The following SBNO2 variants were observed in gnomAD, a reference collection of about 807,000 sequenced individuals.
The protein encoded by SBNO2 is protein strawberry notch homolog 2.
SBNO2 carries 89 observed loss-of-function variants against 146.3 expected under a neutral mutation model. The observed-to-expected ratio is 0.61, with a 90% CI of 0.51 to 0.73. The LOEUF (loss-of-function observed/expected upper bound fraction) is 0.73. Ranked by LOEUF, SBNO2 falls within the 30% of genes least tolerant of loss-of-function variation. SBNO2 has a pLI of 0.00. For missense variants in SBNO2, 2,092 were observed against 2,003.7 expected (o/e 1.04, Z -0.84); for synonymous variants, 1,147 against 892.6 (o/e 1.29, Z -5.08).
At position 1,152,405 on chromosome 19, in the gene SBNO2, C is replaced by A. The variant is rs116000204; in HGVS notation, c.93+1779G>T. ...CTGGATTAGTCCCCAGGGTGTGTTT[C>A]CGAGATAGAATTCTTGGATCGGAAC... On this transcript the variant is annotated intron_variant, in intron 2 of 31. Transcript: ENST00000361757. 9.9e-3 allele frequency among the ~76,000 whole-genome samples: 1,511 copies of A among 152,272 alleles called. 27 individuals are homozygous for A. The highest frequency in any genetic ancestry group is 0.035 in the African/African-American group (1,454 of 41,544).
In SBNO2 at chr19:1,158,647, C is replaced by T. The variant is rs2080314819; in HGVS notation, c.-126-4245G>A. Among the ~76,000 whole-genome samples, 1 of 152,160 alleles carries T rather than the reference C, an allele frequency of 6.6e-6. No homozygotes were observed. The highest frequency in any genetic ancestry group is 1.5e-5 in the Non-Finnish European group (1 of 68,020). On this transcript the variant is annotated intron_variant, in intron 1 of 31. Transcript: ENST00000361757. The surrounding 1 kb of genome is among the most constrained non-coding windows in gnomAD (Gnocchi z 9.9). ...AGGCGGCGAGGCCCGGGCGAGCGGG[C>T]GCGACCGTGGTGATGGAGCCCGGCA...
rs111253047 is a variant in SBNO2, at chr19:1,135,442, C to G, written c.280-7677G>C. On this transcript the variant is annotated intron_variant, in intron 4 of 31. Transcript: ENST00000361757. Reference sequence around the variant, plus strand: ...CTGGAAAGCAACGAAACAGAAAGAACAAGCACAGACTCCGACTTGCTCCCC... The same window carrying G: ...CTGGAAAGCAACGAAACAGAAAGAAGAAGCACAGACTCCGACTTGCTCCCC... Among the ~76,000 whole-genome samples the G allele has an allele frequency of 6.0e-3, 916 of 152,356 alleles. 4 individuals carry two copies. Among genetic ancestry groups the G allele is most frequent in the Middle Eastern group, 0.014 (4 of 294 alleles).
chr19:1,113,613 C>A lies in SBNO2; in HGVS notation c.2169G>T (p.Arg723=). The A allele has an allele frequency of 6.3e-7, 1 of 1,597,892 alleles. No individual in the cohort carries two copies. Among genetic ancestry groups the A allele is most frequent in the Non-Finnish European group, 8.5e-7 (1 of 1,174,294 alleles). Residue 723 remains arginine (R), a synonymous_variant, in exon 19 of 32, where the codon CGG becomes CGT. Transcript: ENST00000361757. The part of the protein sequence containing the change: ...RLKQDLLDKV[R]RLGRELPVNT... ...TGACTGGCAGTTCCCGGCCCAGCCG[C>A]CGCACTTTGTCCAGCAGATCCTGCT...
chr19:1,111,051 TC>T lies in SBNO2; in HGVS notation c.2851del (p.Glu951SerfsTer19). On this transcript the variant is annotated frameshift_variant, in exon 25 of 32. Coordinates refer to ENST00000361757, the MANE Select transcript of SBNO2 (RefSeq NM_014963.3). LOFTEE classifies it high-confidence loss of function. ...CACGTCCAGGCAGCCATTCCGGGACTCCCGGCCACCAATGCCCACAGACAGC... is the reference window on the plus strand; with the variant it reads ...CACGTCCAGGCAGCCATTCCGGGACTCCGGCCACCAATGCCCACAGACAGC... ...GLLSVGIGGR[E>X]SRNGCLDVEK... 6.4e-7 allele frequency: 1 copy of T among 1,568,284 alleles called. No homozygotes were observed.
chr19:1,164,026 C>T (rs1276866149), intron 1 of SBNO2, among the ~76,000 whole-genome samples: 3 of 152,204 alleles, frequency 2.0e-5, no homozygotes, highest in Admixed American at 6.5e-5. Context: ...CCCCTCCCCC[C>T]GACCAAGGAC....
intron 5 of SBNO2, 58 bp downstream of exon 5, chr19:1,127,546 G>A (rs755151132): frequency 1.9e-5 from 30 of 1,550,822 alleles, no homozygotes; most frequent in Admixed American, 1.5e-4. Context: ...TGTGGGTCCC[G>A]GGCTGGGGAG....
chr19:1,112,329 G>C lies in SBNO2; in HGVS notation c.2516-28C>G, dbSNP rs770030626. On this transcript the variant is annotated intron_variant, in intron 21 of 31. Coordinates refer to ENST00000361757, the MANE Select transcript of SBNO2 (RefSeq NM_014963.3). This position sits in a 1 kb window ranked among gnomAD's most constrained non-coding sequence, Gnocchi z 5.9. The stretch of plus-strand genomic sequence containing the variant: ...GGGGGCAGAGCTGCTCTCAGGGCCC[G>C]GCCAGGCGGGGGCGGGGCCGAGACC... 3.8e-6 allele frequency: 6 copies of C among 1,569,778 alleles called. No individual in the cohort carries two copies. The Admixed American group carries it at 9.2e-5, about 24-fold the overall frequency.
At chr19:1,119,852 C>T in intron 12 of SBNO2, 54 bp downstream of exon 12, 3 of 1,373,746 alleles carry the variant, frequency 2.2e-6, no homozygotes, top group Non-Finnish European at 3.0e-6. Flanking sequence ...GCGGGGACAG[C>T]CAGGCAGAAA....
intron 1 of SBNO2, among the ~76,000 whole-genome samples, chr19:1,165,673 C>G (rs2080407823): frequency 7.4e-6 from 1 of 135,304 alleles, no homozygotes. Flanking sequence ...ACCCCAGACC[C>G]CAGTACCCAG....
In SBNO2 at chr19:1,119,082, C is replaced by A. The variant is rs770824881; in HGVS notation, c.1456G>T (p.Val486Phe). 6.2e-7 allele frequency: 1 copy of A among 1,605,686 alleles called. No individual in the cohort carries two copies. Among genetic ancestry groups the A allele is most frequent in the Non-Finnish European group, 8.5e-7 (1 of 1,177,196 alleles). The change falls in exon 14 of 32, where the codon GTC (valine) becomes TTC (phenylalanine). Residue 486 changes from valine to phenylalanine, a missense_variant. Transcript: ENST00000361757. ...YIARQLSFSG[V>F]TFRIEEIPLA... ...GGGATCTCCTCGATGCGGAAGGTGACGCCGGAGAAGCTGAGCTGGCGTGCG... is the reference window on the plus strand; with the variant it reads ...GGGATCTCCTCGATGCGGAAGGTGAAGCCGGAGAAGCTGAGCTGGCGTGCG...
intron 14 of SBNO2, 134 bp downstream of exon 14, chr19:1,118,877 C>G (rs1022872304): frequency 5.4e-6 from 5 of 925,158 alleles, no homozygotes; most frequent in African/African-American, 1.7e-5. Flanking sequence ...CTCAAAAAAA[C>G]AACAAAAAAA....
chr19:1,113,045 C>A lies in SBNO2; in HGVS notation c.2248-96G>T. 4 of 1,399,282 alleles carry A rather than the reference C, an allele frequency of 2.9e-6. No individual in the cohort carries two copies. In the South Asian group the frequency reaches 4.2e-5, roughly 15 times the overall value. The allele number at this position is 1,399,282 out of a possible 1,614,324, so 86.7% of individuals were successfully genotyped here. On this transcript the variant is annotated intron_variant, in intron 19 of 31. Transcript: ENST00000361757. ...CAGCTTCCCTATGTCCTACAGTGGT[C>A]ATGGGCTCCCAGCTGTGCACGGGAG...
Position 1,108,776 on chromosome 19 carries a change from C to T in SBNO2, c.3616+3G>A. The stretch of plus-strand genomic sequence containing the variant: ...CTTCCCGGGGCGCCCGCCGCCCACT[C>T]ACCCACTTGCTTCTTCCTGTCCTTG... On this transcript the variant is annotated splice_donor_region_variant and intron_variant, in intron 31 of 31. Transcript: ENST00000361757. 1.2e-6 allele frequency: 2 copies of T among 1,601,890 alleles called. No individual in the cohort carries two copies. The highest frequency in any genetic ancestry group is 1.3e-5 in the African/African-American group (1 of 74,878).
At chr19:1,143,701 G>A (rs552333183) in intron 4 of SBNO2, among the ~76,000 whole-genome samples, 3 of 152,146 alleles carry the variant, frequency 2.0e-5, no homozygotes, top group Admixed American at 1.3e-4. Flanking sequence ...TCTCTCTCTG[G>A]CTCTCACCCT....
chr19:1,127,586 G>A lies in SBNO2; in HGVS notation c.441+18C>T, dbSNP rs370742228. Reference sequence around the variant, plus strand: ...CGCTGGTGGGTCGGGGCTGGCTGGGGGCACCGGGCGCACTGACCTTATCGT... The same window carrying A: ...CGCTGGTGGGTCGGGGCTGGCTGGGAGCACCGGGCGCACTGACCTTATCGT... On this transcript the variant is annotated intron_variant, in intron 5 of 31. Transcript: ENST00000361757. 210 of 1,608,276 alleles carry A rather than the reference G, an allele frequency of 1.3e-4. No homozygotes were observed. Among genetic ancestry groups the A allele is most frequent in the Middle Eastern group, 3.8e-4 (2 of 5,222 alleles).
At chr19:1,164,699 C>CAGG (rs1186629683) in intron 1 of SBNO2, among the ~76,000 whole-genome samples, 796 of 2,054 alleles carry the variant, frequency 0.39, 239 homozygotes, top group East Asian at 0.53. Context: ...GGAGGAAGAA[C>CAGG]AGGAGGAGGA....
intron 4 of SBNO2, among the ~76,000 whole-genome samples, chr19:1,145,016 G>A (rs2080175778): frequency 6.6e-6 from 1 of 151,112 alleles, no homozygotes; most frequent in East Asian, 2.0e-4. Flanking sequence ...GAGGGAGACA[G>A]AGACAGAGGC....
At chr19:1,113,480 C>G in intron 19 of SBNO2, 55 bp downstream of exon 19, 1 of 1,438,974 alleles carries the variant, frequency 6.9e-7, no homozygotes, top group Non-Finnish European at 9.4e-7. Flanking sequence ...TGCGTGAAGC[C>G]CCACCCACTG....
chr19:1,167,127 C>T (rs541987053), intron 1 of SBNO2, among the ~76,000 whole-genome samples: 13 of 152,390 alleles, frequency 8.5e-5, no homozygotes, highest in African/African-American at 2.9e-4. Flanking sequence ...CCGCTTAGAG[C>T]GAGACTTCAG....
Sources: allele counts gnomAD v4.1 joint callset (sites outside exome capture counted in the v4.1 genomes callset), GRCh38; gene constraint gnomAD v4.1.1; non-coding constraint Gnocchi (gnomAD v3.1); transcripts MANE v1.5; gene names NCBI Gene and HGNC (gene_info 2026-07-23, HGNC 2026-07-21).